PTPRD: variants seen among roughly 807,000 people sequenced by gnomAD.
PTPRD encodes protein tyrosine phosphatase receptor type D, also known as receptor-type tyrosine-protein phosphatase delta.
A neutral mutation model predicts 214.5 loss-of-function variants in PTPRD; 34 were observed. The observed-to-expected ratio is 0.16, with a 90% confidence interval of 0.12 to 0.21. The LOEUF is 0.21. Ranked by LOEUF, PTPRD falls within the 10% of genes least tolerant of loss-of-function variation. PTPRD has a pLI of 1.00. For missense variants in PTPRD, 2,545 were observed against 2,398.7 expected (o/e 1.06, Z -1.27); for synonymous variants, 1,128 against 845.7 (o/e 1.33, Z -5.79).
At chr9:8,520,167 T>C (rs1036362644) in intron 20 of PTPRD, among the ~76,000 whole-genome samples, 2 of 152,216 alleles carry the variant, frequency 1.3e-5, no homozygotes, top group African/African-American at 4.8e-5. Flanking sequence ...GCTGACATTA[T>C]TAGTTTCACT....
chr9:9,195,248 C>T (rs2099937831), intron 9 of PTPRD, among the ~76,000 whole-genome samples: 2 of 151,926 alleles, frequency 1.3e-5, no homozygotes, highest in African/African-American at 4.8e-5. Flanking sequence ...TATGTGGAAT[C>T]TCAATTTCAG....
chr9:9,684,638 T>C lies in PTPRD; in HGVS notation c.-287+49895A>G, dbSNP rs146084467. Among the ~76,000 whole-genome samples, 19 of 151,768 alleles carry C rather than the reference T, an allele frequency of 1.3e-4. 2 individuals are homozygous for C. The East Asian group carries it at 3.5e-3, about 28-fold the overall frequency. Reference sequence around the variant, plus strand: ...CTAAATACATAAAAGGCCTTTTTTGTTAGCAATAGACAAATTTGTTACAAA... The same window carrying C: ...CTAAATACATAAAAGGCCTTTTTTGCTAGCAATAGACAAATTTGTTACAAA... On this transcript the variant is annotated intron_variant, in intron 7 of 45. Coordinates refer to ENST00000381196, the MANE Select transcript of PTPRD (RefSeq NM_002839.4).
intron 3 of PTPRD, among the ~76,000 whole-genome samples, chr9:10,219,154 A>C (rs535699344): frequency 1.3e-5 from 2 of 151,808 alleles, no homozygotes; most frequent in African/African-American, 4.8e-5. Context: ...ATCTTCATTT[A>C]TCTCTCAGGT....
rs552385684 is a variant in PTPRD at position 9,049,299 on chromosome 9, C to G, written c.-142-30564G>C. Among the ~76,000 whole-genome samples, 3 of 152,284 alleles carry G rather than the reference C, an allele frequency of 2.0e-5. No individual in the cohort carries two copies. The South Asian group carries it at 6.2e-4, about 32-fold the overall frequency. On this transcript the variant is annotated intron_variant, in intron 10 of 45. Coordinates refer to ENST00000381196, the MANE Select transcript of PTPRD (RefSeq NM_002839.4). ...AGTCATTTCTGTAAGGCTTAATTTT[C>G]TCATGGAACCCTAGTTGGAAAATCC... is the stretch of plus-strand genomic sequence containing the variant.
intron 5 of PTPRD, among the ~76,000 whole-genome samples, chr9:9,782,803 T>C (rs2098864985): frequency 6.6e-6 from 1 of 152,322 alleles, no homozygotes; most frequent in African/African-American, 2.4e-5. Flanking sequence ...CAGCATGGTA[T>C]TCTGAATACT....
At chr9:9,877,829 C>G (rs1294498049) in intron 5 of PTPRD, among the ~76,000 whole-genome samples, 1 of 151,948 alleles carries the variant, frequency 6.6e-6, no homozygotes, top group Non-Finnish European at 1.5e-5. Context: ...CAAAATTAGC[C>G]AGGCACGGTG....
At chr9:8,663,858 A>G (rs2097118353) in intron 12 of PTPRD, among the ~76,000 whole-genome samples, 1 of 152,004 alleles carries the variant, frequency 6.6e-6, no homozygotes, top group Admixed American at 6.6e-5. Context: ...ATGATTAATT[A>G]AAGTGTAGAT....
intron 9 of PTPRD, among the ~76,000 whole-genome samples, chr9:9,369,383 GT>G (rs980302973): frequency 2.0e-5 from 3 of 152,046 alleles, no homozygotes; most frequent in Non-Finnish European, 4.4e-5. Context: ...TTTTTCATGT[GT>G]TTTTTGGCTG....
intron 39 of PTPRD, among the ~76,000 whole-genome samples, chr9:8,364,791 G>A (rs2079387676): frequency 6.6e-6 from 1 of 152,210 alleles, no homozygotes; most frequent in Non-Finnish European, 1.5e-5. Flanking sequence ...AGTGCATTCA[G>A]GGTGCTCCCT....
rs575964505 is a variant in PTPRD at position 9,035,483 on chromosome 9, A to T, written c.-142-16748T>A. 4.6e-5 allele frequency among the ~76,000 whole-genome samples: 7 copies of T among 152,202 alleles called. No homozygotes were observed. The South Asian group carries it at 1.0e-3, about 23-fold the overall frequency. On this transcript the variant is annotated intron_variant, in intron 10 of 45. Coordinates refer to ENST00000381196, the MANE Select transcript of PTPRD (RefSeq NM_002839.4). ...ATCCTACAATTTTCCATGGGAAGGC[A>T]GGAGCCTAACATCAGCTTGCGCCAT...
At chr9:10,060,969 CCTTT>C (rs1333186681) in intron 3 of PTPRD, among the ~76,000 whole-genome samples, 4 of 136,984 alleles carry the variant, frequency 2.9e-5, no homozygotes, top group Non-Finnish European at 4.7e-5. Context: ...TTCCTTTCTT[CCTTT>C]CTGTCTTCTT....
chr9:10,149,366 C>T (rs1447306393), intron 3 of PTPRD, among the ~76,000 whole-genome samples: 1 of 152,144 alleles, frequency 6.6e-6, no homozygotes, highest in Non-Finnish European at 1.5e-5. Context: ...TTTGTGTGTA[C>T]AAAAAGTTTT....
intron 14 of PTPRD, among the ~76,000 whole-genome samples, chr9:8,583,208 G>A (rs1389505177): frequency 2.0e-5 from 3 of 152,322 alleles, no homozygotes; most frequent in Admixed American, 2.0e-4. Flanking sequence ...TCTGACAGGA[G>A]GCAGAGCTCA....
At chr9:8,948,212 G>T (rs1473184962) in intron 11 of PTPRD, among the ~76,000 whole-genome samples, 4 of 148,732 alleles carry the variant, frequency 2.7e-5, no homozygotes, top group Admixed American at 1.4e-4. Context: ...TAAGGATGGG[G>T]TTTCACCATG....
intron 2 of PTPRD, among the ~76,000 whole-genome samples, chr9:10,562,887 G>GA (rs1398971750): frequency 6.6e-6 from 1 of 151,766 alleles, no homozygotes; most frequent in Non-Finnish European, 1.5e-5. Context: ...ATGATTTGTA[G>GA]AAAAAAAGCA....
chr9:10,571,141 A>G (rs2067310739), intron 2 of PTPRD, among the ~76,000 whole-genome samples: 1 of 152,136 alleles, frequency 6.6e-6, no homozygotes, highest in African/African-American at 2.4e-5. Flanking sequence ...TTTTAAGAAT[A>G]TAAACTAGTT....
At chr9:9,041,904 A>T (rs900400180) in intron 10 of PTPRD, among the ~76,000 whole-genome samples, 5 of 152,212 alleles carry the variant, frequency 3.3e-5, no homozygotes, top group African/African-American at 9.7e-5. Context: ...TTATTTGAAC[A>T]AGAAGTCTCT....
intron 11 of PTPRD, among the ~76,000 whole-genome samples, chr9:8,922,942 C>T (rs1004875208): frequency 4.6e-5 from 7 of 151,880 alleles, no homozygotes; most frequent in African/African-American, 1.7e-4. Context: ...GGATTACAGT[C>T]ATGAGCCACT....
At chr9:8,552,060 A>T (rs2082263933) in intron 14 of PTPRD, among the ~76,000 whole-genome samples, 1 of 152,196 alleles carries the variant, frequency 6.6e-6, no homozygotes, top group Admixed American at 6.5e-5. Context: ...TTTTAAAGGA[A>T]GCTATCAATG....
Sources: gnomAD v4.1 joint callset for allele counts (sites outside exome capture counted in the v4.1 genomes callset) on GRCh38, gnomAD v4.1.1 for gene constraint, MANE v1.5 for transcripts, NCBI Gene and HGNC (gene_info 2026-07-23, HGNC 2026-07-21) for gene names.